ZBED6: variants seen among roughly 807,000 people sequenced by gnomAD.
ZBED6 encodes the protein zinc finger BED-type containing 6.
A neutral mutation model predicts 58.4 loss-of-function variants in ZBED6; 40 were observed. The ratio of observed to expected loss-of-function variants is 0.68; its 90% CI spans 0.53 to 0.89. The LOEUF (loss-of-function observed/expected upper bound fraction) is 0.89. Among genes scored for constraint, ZBED6 ranks in the 40% least tolerant of loss-of-function variants. The pLI is 0.00. For synonymous variants in ZBED6, 439 were observed against 350.6 expected, an observed-to-expected ratio of 1.25 and a Z score of -2.82; for missense variants, 1,057 against 1,003.9, an observed-to-expected ratio of 1.05 and a Z score of -0.71.
At chr1:203,797,923 T>C in exon 1 of ZBED6, 1 of 1,536,004 alleles carries the variant, frequency 6.5e-7, no homozygotes, top group South Asian at 1.2e-5. Flanking sequence ...AAGACCTCCA[T>C]TGTGTGGCAC....
chr1:203,826,547 C>T (rs972205776), intron 3 of ZBED6, among the ~76,000 whole-genome samples: 2 of 152,232 alleles, frequency 1.3e-5, no homozygotes, highest in South Asian at 4.1e-4. Context: ...GATTCTTCCA[C>T]GTCCCTGAAA....
chr1:203,833,319 C>G (rs558867387), intron 8 of ZBED6, among the ~76,000 whole-genome samples: 2 of 141,412 alleles, frequency 1.4e-5, no homozygotes, highest in Admixed American at 1.5e-4. Flanking sequence ...GAGCCGAGAT[C>G]GGGCCACTGC....
chr1:203,829,443 G>A lies in ZBED6; in HGVS notation c.*2998-8G>A, dbSNP rs370250008. On this transcript the variant is annotated splice_polypyrimidine_tract_variant and splice_region_variant and intron_variant, in intron 4 of 16. Coordinates refer to ENST00000550078, the Ensembl canonical transcript of ZBED6. ...GTTTTTAATTTATGACTGATTTTGT[G>A]CGTTTAGCTGTGTTGCCCACTGTGC... 14 of 1,613,840 alleles carry A rather than the reference G, an allele frequency of 8.7e-6. No individual in the cohort carries two copies. In the African/African-American group the frequency reaches 1.9e-4, roughly 22 times the overall value.
chr1:203,800,691 G>C lies in ZBED6; in HGVS notation c.*229G>C, dbSNP rs1670294962. Reference sequence around the variant, plus strand: ...TTGAAAATTTTGCTTATACCAATGAGAGAGAAGATATTTTTAATTAAAAAA... The same window carrying C: ...TTGAAAATTTTGCTTATACCAATGACAGAGAAGATATTTTTAATTAAAAAA... On this transcript the variant is annotated 3_prime_UTR_variant, in exon 1 of 17. Coordinates refer to ENST00000550078, the Ensembl canonical transcript of ZBED6. The C allele has an allele frequency of 1.6e-5, 6 of 370,124 alleles. 1 individual carries two copies. Among genetic ancestry groups the C allele is most frequent in the Admixed American group, 1.3e-4 (3 of 22,576 alleles). The allele number at this position is 370,124 out of a possible 1,614,324, so 22.9% of individuals were successfully genotyped here.
chr1:203,841,156 T>TA (rs138117151), intron 11 of ZBED6, among the ~76,000 whole-genome samples: 18,927 of 144,134 alleles, frequency 0.13, 1,322 homozygotes, highest in Non-Finnish European at 0.15. Flanking sequence ...TTTTTTTTTT[T>TA]ATTTTTTTTT....
At chr1:203,821,004 A>G (rs1042723283) in intron 3 of ZBED6, among the ~76,000 whole-genome samples, 3 of 152,256 alleles carry the variant, frequency 2.0e-5, no homozygotes, top group African/African-American at 7.2e-5. Context: ...GAATTAATGC[A>G]AACTTGTGGT....
chr1:203,819,082 A>ATG (rs1420873734), intron 3 of ZBED6, among the ~76,000 whole-genome samples: 16 of 64,900 alleles, frequency 2.5e-4, no homozygotes, highest in Non-Finnish European at 5.6e-4. Flanking sequence ...AAAAAAATAT[A>ATG]TATATATACA....
chr1:203,844,959 CAGG>C (rs1199092351), intron 11 of ZBED6, among the ~76,000 whole-genome samples: 4 of 152,032 alleles, frequency 2.6e-5, no homozygotes, highest in South Asian at 4.2e-4. Context: ...GAGCAGTTCT[CAGG>C]AGGAGGTCAT....
chr1:203,829,573 G>A, exon 5 of ZBED6: 1 of 1,614,156 alleles, frequency 6.2e-7, no homozygotes, highest in South Asian at 1.1e-5. Context: ...CGTTATGAAA[G>A]TAGAAAGTTC....
intron 12 of ZBED6, among the ~76,000 whole-genome samples, chr1:203,848,018 G>A (rs767121924): frequency 1.1e-4 from 16 of 151,972 alleles, no homozygotes; most frequent in Non-Finnish European, 2.2e-4. Context: ...ACCACACCCC[G>A]CTAATTTTTG....
At chr1:203,842,590 G>GGGAGACC (rs1286756834) in intron 11 of ZBED6, among the ~76,000 whole-genome samples, 3 of 151,250 alleles carry the variant, frequency 2.0e-5, no homozygotes, top group African/African-American at 7.3e-5. Flanking sequence ...TGGCATCAGA[G>GGGAGACC]GGAGACCGGG....
In ZBED6 at chr1:203,833,752, T is replaced by C. The variant is rs368829571; in HGVS notation, c.*3511-39T>C. 3.5e-5 allele frequency: 55 copies of C among 1,581,662 alleles called. No homozygotes were observed. In the African/African-American group the frequency reaches 5.3e-4, roughly 15 times the overall value. ...TTAGTAGTTACTGAATACAGAAAAA[T>C]TGACTAAGGATAGAGAAATTCTGCT... On this transcript the variant is annotated intron_variant, in intron 8 of 16. Transcript: ENST00000550078.
At chr1:203,821,784 G>A (rs1487455240) in intron 3 of ZBED6, among the ~76,000 whole-genome samples, 1 of 150,914 alleles carries the variant, frequency 6.6e-6, no homozygotes, top group Non-Finnish European at 1.5e-5. Context: ...TTGAGACGGA[G>A]TCTTGCTCTA....
intron 7 of ZBED6, among the ~76,000 whole-genome samples, chr1:203,830,798 ACT>A (rs1228094825): frequency 6.6e-6 from 1 of 151,206 alleles, no homozygotes; most frequent in Non-Finnish European, 1.5e-5. Flanking sequence ...ACAGATCAAG[ACT>A]CTGTCTCAAA....
At chr1:203,804,817 C>T (rs748113450) in intron 1 of ZBED6, among the ~76,000 whole-genome samples, 3 of 151,620 alleles carry the variant, frequency 2.0e-5, no homozygotes, top group Non-Finnish European at 2.9e-5. Flanking sequence ...AGATTACAGG[C>T]GCATGCCACC....
chr1:203,814,972 G>A (rs1675776738), intron 1 of ZBED6: 1 of 151,966 alleles, frequency 6.6e-6, no homozygotes, highest in African/African-American at 2.4e-5. Context: ...TGGGACTACA[G>A]GTGTGTGCCA....
exon 6 of ZBED6, chr1:203,829,819 C>T (rs1254729589): frequency 6.2e-7 from 1 of 1,614,082 alleles, no homozygotes; most frequent in Non-Finnish European, 8.5e-7. Context: ...AAAACACCTA[C>T]CCTGCAACCA....
At chr1:203,800,576 T>A in exon 1 of ZBED6, 1 of 944,326 alleles carries the variant, frequency 1.1e-6, no homozygotes, top group Non-Finnish European at 1.4e-6. Context: ...AAACCTGAAA[T>A]CACACAAGGG....
At position 203,829,672 on chromosome 1, in the gene ZBED6, C is replaced by G. The variant is rs980016851; in HGVS notation, c.*3201+18C>G. 1.9e-6 allele frequency: 3 copies of G among 1,614,160 alleles called. 1 individual carries two copies. The South Asian group carries it at 3.3e-5, about 18-fold the overall frequency. On this transcript the variant is annotated intron_variant, in intron 5 of 16. Coordinates refer to ENST00000550078, the Ensembl canonical transcript of ZBED6. ...TGATGATGGTAAGTTCTGTCTGGCT[C>G]CTTCTTTAAGGCAAATAAATAGGGT...
Sources: gnomAD v4.1 joint callset for allele counts (sites outside exome capture counted in the v4.1 genomes callset) on GRCh38, gnomAD v4.1.1 for gene constraint, MANE v1.5 for transcripts, NCBI Gene and HGNC (gene_info 2026-07-23, HGNC 2026-07-21) for gene names.